Variants in EIF4G3 observed in about 807,000 individuals in gnomAD.
EIF4G3 encodes eIF-4-gamma 3.
Under a neutral mutation model 186.4 loss-of-function variants are expected in EIF4G3, and 34 were observed. The ratio of observed to expected loss-of-function variants is 0.18; its 90% CI spans 0.14 to 0.24. EIF4G3 has a LOEUF of 0.24. Ranked by LOEUF, EIF4G3 falls within the 10% of genes least tolerant of loss-of-function variation. The probability of loss-of-function intolerance (pLI) is 1.00; values close to 1 mark genes in which losing one functional copy is unlikely to be tolerated. For synonymous variants in EIF4G3, 673 were observed against 679.5 expected, an observed-to-expected ratio of 0.99 and a Z score of 0.15; for missense variants, 1,536 against 1,948.5, an observed-to-expected ratio of 0.79 and a Z score of 3.99.
At chr1:20,830,836 G>T (rs902359027) in intron 30 of EIF4G3, among the ~76,000 whole-genome samples, 1 of 152,022 alleles carries the variant, frequency 6.6e-6, no homozygotes, top group Non-Finnish European at 1.5e-5. Flanking sequence ...GATTTCCATA[G>T]AACAAGCCTG....
In EIF4G3 at chr1:20,825,013, G is replaced by A. The variant is rs78770525; in HGVS notation, c.4368+87C>T. Reference sequence around the variant, plus strand: ...ATTCCTATTTTGATGCAATTTTAACGACTGGAATACGAAGGAAATTACCTT... The same window carrying A: ...ATTCCTATTTTGATGCAATTTTAACAACTGGAATACGAAGGAAATTACCTT... On this transcript the variant is annotated intron_variant, in intron 33 of 36. Transcript: ENST00000602326. 9.0e-3 allele frequency: 7,120 copies of A among 794,834 alleles called. 67 individuals are homozygous for A. Among genetic ancestry groups the A allele is most frequent in the South Asian group, 0.014 (584 of 40,368 alleles). The allele number at this position is 794,834 out of a possible 1,614,324, so 49.2% of individuals were successfully genotyped here.
chr1:20,856,112 T>A (rs1174147401), intron 25 of EIF4G3, among the ~76,000 whole-genome samples: 2 of 152,160 alleles, frequency 1.3e-5, no homozygotes, highest in African/African-American at 4.8e-5. Flanking sequence ...GCAATGGAAT[T>A]CCTACTCTGA....
At chr1:20,928,309 TGTG>T (rs1240130144) in intron 14 of EIF4G3, among the ~76,000 whole-genome samples, 1 of 152,208 alleles carries the variant, frequency 6.6e-6, no homozygotes, top group Non-Finnish European at 1.5e-5. Context: ...TACTGTCAAT[TGTG>T]GTGTTCTTGT....
Position 21,049,663 on chromosome 1 carries a change from C to T in EIF4G3, c.-67+1203G>A, listed in dbSNP as rs538139134. Among the ~76,000 whole-genome samples the T allele has an allele frequency of 1.5e-3, 228 of 152,246 alleles. 1 individual carries two copies. The highest frequency in any genetic ancestry group is 6.8e-3 in the Middle Eastern group (2 of 294). On this transcript the variant is annotated intron_variant, in intron 4 of 36. Transcript: ENST00000602326. ...TAGTCTAAAATATAATTAATCAGCA[C>T]ATGGCCAGGAGATCAAGGCCAATCT...
chr1:21,089,675 T>C (rs1422770867), intron 2 of EIF4G3, among the ~76,000 whole-genome samples: 1 of 151,082 alleles, frequency 6.6e-6, no homozygotes, highest in African/African-American at 2.4e-5. Flanking sequence ...ACCTGTAGTC[T>C]CCGGGAGGCT....
At chr1:21,121,950 G>A (rs2096933097) in intron 2 of EIF4G3, among the ~76,000 whole-genome samples, 1 of 152,066 alleles carries the variant, frequency 6.6e-6, no homozygotes, top group African/African-American at 2.4e-5. Context: ...ACCTTATGAG[G>A]TAATGGGCTT....
At chr1:21,124,875 T>A (rs574880724) in intron 2 of EIF4G3, among the ~76,000 whole-genome samples, 2 of 152,310 alleles carry the variant, frequency 1.3e-5, no homozygotes, top group East Asian at 3.9e-4. Flanking sequence ...AAAAGGGGAA[T>A]TAATATTTCC....
intron 4 of EIF4G3, among the ~76,000 whole-genome samples, chr1:21,014,347 T>C (rs1405110990): frequency 6.6e-6 from 1 of 152,138 alleles, no homozygotes; most frequent in Non-Finnish European, 1.5e-5. Context: ...GGTTCAGGAG[T>C]GCATGTGCAG....
intron 31 of EIF4G3, among the ~76,000 whole-genome samples, chr1:20,828,180 G>A (rs1366868740): frequency 1.3e-5 from 2 of 151,790 alleles, no homozygotes; most frequent in African/African-American, 2.4e-5. Context: ...TTACAGGCAC[G>A]TAACACCATG....
At chr1:21,151,484 C>T (rs1461596357) in intron 2 of EIF4G3, among the ~76,000 whole-genome samples, 1 of 151,896 alleles carries the variant, frequency 6.6e-6, no homozygotes, top group South Asian at 2.1e-4. Flanking sequence ...GTGATCCGCC[C>T]GCCTTGGCCT....
At chr1:21,054,610 T>G (rs1326923901) in intron 3 of EIF4G3, among the ~76,000 whole-genome samples, 1 of 152,224 alleles carries the variant, frequency 6.6e-6, no homozygotes, top group African/African-American at 2.4e-5. Context: ...AAATTCATCA[T>G]TAGACATATT....
chr1:20,870,986 T>C (rs532731920), intron 20 of EIF4G3, among the ~76,000 whole-genome samples: 4 of 152,314 alleles, frequency 2.6e-5, no homozygotes, highest in South Asian at 4.1e-4. Flanking sequence ...TGTATGTGTG[T>C]GTATACAGTA....
chr1:20,849,750 A>G (rs2072641807), intron 28 of EIF4G3, among the ~76,000 whole-genome samples: 1 of 152,176 alleles, frequency 6.6e-6, no homozygotes, highest in Admixed American at 6.5e-5. Flanking sequence ...GAACATGATA[A>G]ACTTTCCTAA....
intron 7 of EIF4G3, among the ~76,000 whole-genome samples, chr1:20,983,524 G>A (rs1337247189): frequency 6.6e-6 from 1 of 151,310 alleles, no homozygotes; most frequent in African/African-American, 2.4e-5. Context: ...CAATGCATGT[G>A]ATCTGTAAAC....
intron 20 of EIF4G3, among the ~76,000 whole-genome samples, chr1:20,876,449 AAAAAAAAAAAAC>A (rs2080873059): frequency 6.6e-6 from 1 of 150,802 alleles, no homozygotes; most frequent in Non-Finnish European, 1.5e-5. Flanking sequence ...TAAGTAAAAA[AAAAAAAAAAAAC>A]AAACTGAAAA....
At chr1:21,053,664 T>C (rs2154577441) in intron 3 of EIF4G3, among the ~76,000 whole-genome samples, 1 of 128,552 alleles carries the variant, frequency 7.8e-6, no homozygotes. Flanking sequence ...CGGCCGCCCC[T>C]ACTGGGAAGT....
chr1:20,863,811 A>G (rs2076972999), intron 22 of EIF4G3, among the ~76,000 whole-genome samples: 1 of 151,086 alleles, frequency 6.6e-6, no homozygotes, highest in African/African-American at 2.4e-5. Context: ...CCCTTTTCCT[A>G]CCTTCTCTGG....
intron 3 of EIF4G3, among the ~76,000 whole-genome samples, chr1:21,057,191 T>A (rs750462611): frequency 2.0e-5 from 3 of 152,144 alleles, no homozygotes; most frequent in Non-Finnish European, 4.4e-5. Flanking sequence ...AATGAAAACG[T>A]GCACCAGGGT....
chr1:21,077,881 C>CAA lies in EIF4G3; in HGVS notation c.-196+11255_-196+11256dup, dbSNP rs369662502. 4.1e-3 allele frequency among the ~76,000 whole-genome samples: 249 copies of CAA among 60,078 alleles called. 1 individual carries two copies. The highest frequency in any genetic ancestry group is 6.9e-3 in the Non-Finnish European group (203 of 29,436). 39.4% of individuals were successfully genotyped at this position (60,078 alleles called of 152,430 possible). ...GGCAACAATAGCAAAAACTCCGTCT[C>CAA]AAAAAAAAAAAAAAAACAACAAAAA... On this transcript the variant is annotated intron_variant, in intron 3 of 36. Coordinates refer to ENST00000602326, the MANE Select transcript of EIF4G3 (RefSeq NM_001391906.1).
Sources: gnomAD v4.1 joint callset for allele counts (sites outside exome capture counted in the v4.1 genomes callset) on GRCh38, gnomAD v4.1.1 for gene constraint, MANE v1.5 for transcripts, NCBI Gene and HGNC (gene_info 2026-07-23, HGNC 2026-07-21) for gene names.